Variants in SEPTIN12 observed in about 807,000 individuals in gnomAD.
The protein encoded by SEPTIN12 is septin-12.
A neutral mutation model predicts 37.7 loss-of-function variants in SEPTIN12; 42 were observed. The ratio of observed to expected loss-of-function variants is 1.11; its 90% CI spans 0.87 to 1.44. The LOEUF is 1.44. Among genes scored for constraint, SEPTIN12 ranks in the 40% most tolerant of loss-of-function variants. SEPTIN12 has a pLI of 0.00. For missense variants in SEPTIN12, 613 were observed against 479.2 expected, an observed-to-expected ratio of 1.28 and a Z score of -2.61; for synonymous variants, 254 against 196.7, an observed-to-expected ratio of 1.29 and a Z score of -2.44.
At chr16:4,786,810 T>TA (rs1429261219) in intron 2 of SEPTIN12, among the ~76,000 whole-genome samples, 1 of 151,978 alleles carries the variant, frequency 6.6e-6, no homozygotes, top group Non-Finnish European at 1.5e-5. Flanking sequence ...CATGCCTGGC[T>TA]AATTTTTAAA....
At chr16:4,786,197 AG>A in intron 2 of SEPTIN12, 92 bp from the exon 3 acceptor site, 1 of 1,464,556 alleles carries the variant, frequency 6.8e-7, no homozygotes, top group South Asian at 1.4e-5. Flanking sequence ...TTTTGGAGAC[AG>A]GTTCTCACTC....
At chr16:4,789,599 T>A (rs1336488671), upstream of SEPTIN12, among the ~76,000 whole-genome samples, 1 of 152,184 alleles carries the variant, frequency 6.6e-6, no homozygotes, top group East Asian at 1.9e-4. Context: ...GTGCTGGGAT[T>A]ACAGGCGTTA....
intron 7 of SEPTIN12, among the ~76,000 whole-genome samples, chr16:4,781,754 C>T (rs1315224286): frequency 1.3e-5 from 2 of 150,106 alleles, no homozygotes; most frequent in African/African-American, 4.9e-5. Flanking sequence ...AAGTGATTCT[C>T]CTGCCTCAGC....
intron 7 of SEPTIN12, among the ~76,000 whole-genome samples, chr16:4,780,238 C>T (rs1339735857): frequency 6.6e-6 from 1 of 151,724 alleles, no homozygotes; most frequent in Admixed American, 6.6e-5. Flanking sequence ...TAGGTGTGCA[C>T]CACCATGCCT....
intron 2 of SEPTIN12, 65 bp downstream of exon 2, chr16:4,787,415 G>A: frequency 9.4e-6 from 14 of 1,485,288 alleles, no homozygotes; most frequent in South Asian, 2.3e-5. Flanking sequence ...CAAAGGTGAG[G>A]CCACACGCCC....
At chr16:4,778,380 G>C (rs1375914437) in intron 8 of SEPTIN12, among the ~76,000 whole-genome samples, 1 of 152,324 alleles carries the variant, frequency 6.6e-6, no homozygotes, top group Non-Finnish European at 1.5e-5. Flanking sequence ...TGTATTATAT[G>C]TACACTCGGC....
chr16:4,786,151 GC>G (rs762872266), intron 2 of SEPTIN12, 46 bp from the exon 3 acceptor site: 2 of 1,503,330 alleles, frequency 1.3e-6, no homozygotes, highest in Non-Finnish European at 1.8e-6. Context: ...GGCGTTTTAG[GC>G]AGTTTTTCTC....
intron 7 of SEPTIN12, among the ~76,000 whole-genome samples, chr16:4,780,927 G>A (rs1004905411): frequency 6.6e-6 from 1 of 151,986 alleles, no homozygotes; most frequent in Non-Finnish European, 1.5e-5. Flanking sequence ...TGCTGTGAAC[G>A]GAGATCCTGC....
At chr16:4,782,861 T>C (rs2082387302) in intron 7 of SEPTIN12, among the ~76,000 whole-genome samples, 1 of 151,486 alleles carries the variant, frequency 6.6e-6, no homozygotes, top group Non-Finnish European at 1.5e-5. Context: ...CACCTCGGCC[T>C]CCCAAAGTGC....
upstream of SEPTIN12, among the ~76,000 whole-genome samples, chr16:4,791,358 C>T (rs971316151): frequency 1.3e-5 from 2 of 152,218 alleles, no homozygotes; most frequent in Non-Finnish European, 1.5e-5. Context: ...TGGATGGAAT[C>T]ACACGTCAAC....
upstream of SEPTIN12, among the ~76,000 whole-genome samples, chr16:4,791,354 G>A (rs951297010): frequency 1.3e-5 from 2 of 152,194 alleles, no homozygotes; most frequent in African/African-American, 4.8e-5. Flanking sequence ...AGCCTGGATG[G>A]AATCACACGT....
At position 4,787,537 on chromosome 16, in the gene SEPTIN12, C is replaced by G. The variant is rs759426424; in HGVS notation, c.109G>C (p.Asp37His). ...TTCATAGCCTTGATCTTCAGCTGGTCCAGCACAGCCTCAATGCCCACAGGA... is the reference window on the plus strand; with the variant it reads ...TTCATAGCCTTGATCTTCAGCTGGTGCAGCACAGCCTCAATGCCCACAGGA... ...LGPVGIEAVL[D>H]QLKIKAMKMG... The change falls in exon 2 of 10, where the codon GAC becomes CAC. Residue 37 changes from aspartate (D) to histidine (H), a missense_variant. Physicochemically the swap from Asp to His is moderately conservative, Grantham distance 81. Transcript: ENST00000268231. 6.2e-7 allele frequency: 1 copy of G among 1,612,828 alleles called. No individual in the cohort carries two copies. The highest frequency in any genetic ancestry group is 8.5e-7 in the Non-Finnish European group (1 of 1,179,966).
chr16:4,783,440 C>G, intron 7 of SEPTIN12, 22 bp downstream of exon 7: 1 of 1,593,306 alleles, frequency 6.3e-7, no homozygotes, highest in South Asian at 1.1e-5. Flanking sequence ...CCTCGCCCGC[C>G]TCCCGCCCCA....
At chr16:4,784,587 T>C (rs959531795) in intron 4 of SEPTIN12, among the ~76,000 whole-genome samples, 12 of 96,066 alleles carry the variant, frequency 1.2e-4, no homozygotes, top group African/African-American at 3.9e-4. Flanking sequence ...CTGGGCAACA[T>C]GGGGAAACGC....
chr16:4,785,051 A>G (rs1427352114), intron 4 of SEPTIN12, among the ~76,000 whole-genome samples: 2 of 152,090 alleles, frequency 1.3e-5, no homozygotes, highest in African/African-American at 4.8e-5. Context: ...GTTTGAGACC[A>G]GCCTGGCCAA....
In SEPTIN12 at chr16:4,779,683, C is replaced by T. The variant is rs72771910; in HGVS notation, c.823+7G>A. 0.028 allele frequency: 45,132 copies of T among 1,594,786 alleles called. 748 individuals are homozygous for T. Among genetic ancestry groups the T allele is most frequent in the Middle Eastern group, 0.045 (265 of 5,838 alleles). ...ACCTGCATCCTACCCAGGGGCCCCG[C>T]ACTGACCTTCAATGATGCCCCACTT... is the stretch of plus-strand genomic sequence containing the variant. On this transcript the variant is annotated splice_region_variant and intron_variant, in intron 8 of 9. Coordinates refer to ENST00000268231, the MANE Select transcript of SEPTIN12 (RefSeq NM_144605.5).
chr16:4,778,472 C>A (rs12932724), intron 8 of SEPTIN12, among the ~76,000 whole-genome samples: 36,733 of 152,166 alleles, frequency 0.24, 4,710 homozygotes, highest in South Asian at 0.41. Context: ...CCACCCTCTG[C>A]GGATAGCATG....
At chr16:4,778,169 C>T (rs773187500) in intron 8 of SEPTIN12, 32 bp from the exon 9 acceptor site, 21 of 1,612,644 alleles carry the variant, frequency 1.3e-5, no homozygotes, top group East Asian at 8.9e-5. Flanking sequence ...ATGGGCGCTG[C>T]TTAGTGAGCA....
chr16:4,789,272 A>G (rs981518970), upstream of SEPTIN12, among the ~76,000 whole-genome samples: 2 of 152,100 alleles, frequency 1.3e-5, no homozygotes, highest in Admixed American at 6.5e-5. Flanking sequence ...CTGGTCTCCC[A>G]AAGTGTTGGG....
Sources: allele counts gnomAD v4.1 joint callset (sites outside exome capture counted in the v4.1 genomes callset), GRCh38; gene constraint gnomAD v4.1.1; transcripts MANE v1.5; gene names NCBI Gene and HGNC (gene_info 2026-07-23, HGNC 2026-07-21).